PPM1A: variants seen among roughly 807,000 people sequenced by gnomAD.
The protein encoded by PPM1A is protein phosphatase 1A.
A neutral mutation model predicts 35.0 loss-of-function variants in PPM1A; 7 were observed. The ratio of observed to expected loss-of-function variants is 0.20; its 90% CI spans 0.11 to 0.38. PPM1A has a LOEUF of 0.38. PPM1A is among the 10% of genes least tolerant of loss of function. PPM1A has a pLI of 1.00. For synonymous variants in PPM1A, 153 were observed against 167.3 expected (o/e 0.91, Z 0.66); for missense variants, 239 against 467.8 (o/e 0.51, Z 4.51).
chr14:60,259,555 AGTTTTGG>A (rs1883512425), intron 1 of PPM1A, among the ~76,000 whole-genome samples: 1 of 152,100 alleles, frequency 6.6e-6, no homozygotes, highest in African/African-American at 2.4e-5. Context: ...AATCCACTTC[AGTTTTGG>A]ATAACTTGGA....
chr14:60,270,450 G>T (rs928498012), intron 1 of PPM1A, among the ~76,000 whole-genome samples: 2 of 151,904 alleles, frequency 1.3e-5, no homozygotes, highest in Non-Finnish European at 2.9e-5. Context: ...TTTTGTATGG[G>T]TTCTATAAAT....
chr14:60,258,055 G>A (rs1441148877), intron 1 of PPM1A, among the ~76,000 whole-genome samples: 2 of 152,006 alleles, frequency 1.3e-5, no homozygotes, highest in East Asian at 3.8e-4. Context: ...CTTACCCTTT[G>A]TTAGTCCATA....
chr14:60,249,154 G>A (rs1464213252), upstream of PPM1A: 5 of 877,902 alleles, frequency 5.7e-6, no homozygotes, highest in African/African-American at 1.8e-5. The surrounding 1 kb of genome is among the most constrained non-coding windows in gnomAD (Gnocchi z 4.5). Flanking sequence ...GAGCCAGCGG[G>A]GCGGGGCGAG....
intron 1 of PPM1A, chr14:60,256,686 T>C (rs1464123163): frequency 6.6e-6 from 1 of 152,098 alleles, no homozygotes. Flanking sequence ...TCTCATTAAA[T>C]CTTCATAGCA....
chr14:60,249,325 G>A lies in PPM1A; in HGVS notation c.-373G>A, dbSNP rs1882030192. On this transcript the variant is annotated 5_prime_UTR_variant, in exon 1 of 6. Transcript: ENST00000395076. The surrounding 1 kb of genome is among the most constrained non-coding windows in gnomAD (Gnocchi z 4.5). ...TCCGGCCCGCAGCTTCGGGTCCTCA[G>A]GCGGCTGTTGCTCCGGAACGGGTGG... The A allele has an allele frequency of 8.1e-6, 8 of 983,104 alleles. No homozygotes were observed. The highest frequency in any genetic ancestry group is 8.4e-6 in the Non-Finnish European group (7 of 828,960). The allele number at this position is 983,104 out of a possible 1,614,324, so 60.9% of individuals were successfully genotyped here.
rs1389874986 is a variant in PPM1A, at chr14:60,296,225, AAAT to A, written c.*3747_*3749del. Reference sequence around the variant, plus strand: ...TATTACTATGTGTTTTAATATTTTAAAATAATTTCACTGCCCATCTTTACTGGA... The same window carrying A: ...TATTACTATGTGTTTTAATATTTTAAAATTTCACTGCCCATCTTTACTGGA... On this transcript the variant is annotated 3_prime_UTR_variant, in exon 6 of 6. Coordinates refer to ENST00000395076, the MANE Select transcript of PPM1A (RefSeq NM_021003.5). This position sits in a 1 kb window ranked among gnomAD's most constrained non-coding sequence, Gnocchi z 4.4. 6.6e-6 allele frequency: 1 copy of A among 151,818 alleles called. No individual in the cohort carries two copies. The highest frequency in any genetic ancestry group is 6.6e-5 in the Admixed American group (1 of 15,222). The allele number at this position is 151,818 out of a possible 1,614,324, so 9.4% of individuals were successfully genotyped here.
intron 1 of PPM1A, among the ~76,000 whole-genome samples, chr14:60,274,342 G>T (rs1380634349): frequency 1.3e-5 from 2 of 152,120 alleles, no homozygotes. Context: ...CAGCCTTTTG[G>T]AGCATCAACA....
chr14:60,279,014 G>T (rs115163597), intron 1 of PPM1A, among the ~76,000 whole-genome samples: 172 of 152,294 alleles, frequency 1.1e-3, no homozygotes, highest in African/African-American at 4.1e-3. Flanking sequence ...ACCACAGTAA[G>T]AATTATGTGC....
At chr14:60,267,729 A>G (rs1884561701) in intron 1 of PPM1A, among the ~76,000 whole-genome samples, 1 of 152,126 alleles carries the variant, frequency 6.6e-6, no homozygotes, top group African/African-American at 2.4e-5. Flanking sequence ...CAAATTTAAA[A>G]TTTGCAAAAA....
rs1040003828 is a variant in PPM1A at position 60,293,885 on chromosome 14, G to T, written c.*1403G>T. On this transcript the variant is annotated 3_prime_UTR_variant, in exon 6 of 6. Transcript: ENST00000395076. The surrounding 1 kb of genome is among the most constrained non-coding windows in gnomAD (Gnocchi z 4.0). ...TTTAGGCTTAAATTCCTCTGATTAAGCATGTGAAAGTAAGTTTTAAAATCT... is the reference window on the plus strand; with the variant it reads ...TTTAGGCTTAAATTCCTCTGATTAATCATGTGAAAGTAAGTTTTAAAATCT... 1.3e-5 allele frequency: 2 copies of T among 151,910 alleles called. No homozygotes were observed. Among genetic ancestry groups the T allele is most frequent in the Admixed American group, 1.3e-4 (2 of 15,228 alleles). The allele number at this position is 151,910 out of a possible 1,614,324, so 9.4% of individuals were successfully genotyped here. A position where few individuals can be genotyped will look rare whatever the true frequency, so the allele number is the denominator to read the frequency against.
rs1886533183 is a variant in PPM1A, at chr14:60,282,565, T to C, written c.-20-119T>C. ...GATTCCAAGTCAGCAACACAATGAATGTCTGCTTATCGCGAGTTGTGAATT... is the reference window on the plus strand; with the variant it reads ...GATTCCAAGTCAGCAACACAATGAACGTCTGCTTATCGCGAGTTGTGAATT... On this transcript the variant is annotated intron_variant, in intron 1 of 5. Transcript: ENST00000395076. The surrounding 1 kb of genome is among the most constrained non-coding windows in gnomAD (Gnocchi z 5.1). 1.6e-6 allele frequency: 2 copies of C among 1,262,504 alleles called. No individual in the cohort carries two copies. Among genetic ancestry groups the C allele is most frequent in the East Asian group, 2.5e-5 (1 of 40,202 alleles). The allele number at this position is 1,262,504 out of a possible 1,614,324, so 78.2% of individuals were successfully genotyped here. A position where few individuals can be genotyped will look rare whatever the true frequency, so the allele number is the denominator to read the frequency against.
Position 60,297,428 on chromosome 14 carries a change from A to G in PPM1A, c.*4946A>G, listed in dbSNP as rs187150899. 1 of 151,858 alleles carries G rather than the reference A, an allele frequency of 6.6e-6. No homozygotes were observed. The highest frequency in any genetic ancestry group is 2.4e-5 in the African/African-American group (1 of 41,546). 9.4% of individuals were successfully genotyped at this position (151,858 alleles called of 1,614,324 possible). A position where few individuals can be genotyped will look rare whatever the true frequency, so the allele number is the denominator to read the frequency against. On this transcript the variant is annotated 3_prime_UTR_variant, in exon 6 of 6. Coordinates refer to ENST00000395076, the MANE Select transcript of PPM1A (RefSeq NM_021003.5). Reference sequence around the variant, plus strand: ...TTTGATTTTTCCAGCAAGGAAATTAATAAGTTACTGATTCTTCAGCATAGA... The same window carrying G: ...TTTGATTTTTCCAGCAAGGAAATTAGTAAGTTACTGATTCTTCAGCATAGA...
At position 60,291,394 on chromosome 14, in the gene PPM1A, TAGG is replaced by T; in HGVS notation, c.1064_1066del (p.Arg355del). 6.4e-7 allele frequency: 1 copy of T among 1,552,404 alleles called. No homozygotes were observed. On this transcript the variant is annotated splice_acceptor_variant and coding_sequence_variant, in exon 5 of 6. Transcript: ENST00000395076. LOFTEE classifies it high-confidence loss of function. ...TTAATTTTCTGCATTTTTTTACACT[TAGG>T]AGGAATGTTATTGAAGCCGTTTACA...
chr14:60,278,458 T>C (rs1886018261), intron 1 of PPM1A, among the ~76,000 whole-genome samples: 1 of 152,078 alleles, frequency 6.6e-6, no homozygotes, highest in South Asian at 2.1e-4. Flanking sequence ...GCAGAGATTA[T>C]GTTCCTAAAT....
intron 1 of PPM1A, among the ~76,000 whole-genome samples, chr14:60,250,768 C>T (rs1413880787): frequency 6.6e-6 from 1 of 152,110 alleles, no homozygotes; most frequent in African/African-American, 2.4e-5. Flanking sequence ...TAAACACAAC[C>T]ACTTTACATG....
Position 60,282,949 on chromosome 14 carries a change from C to G in PPM1A, c.246C>G (p.Asn82Lys), listed in dbSNP as rs1566598546. ...CEHLLDHITNNQDFKGSAGAP... is the reference protein window; with the variant it reads ...CEHLLDHITNKQDFKGSAGAP... ...ATTTGTTAGATCACATCACCAATAA[C>G]CAGGATTTTAAAGGGTCTGCAGGAG... The change falls in exon 2 of 6, where the codon AAC (asparagine) becomes AAG (lysine). Residue 82 changes from asparagine to lysine, a missense_variant. Physicochemically the swap from Asn to Lys is moderately conservative, Grantham distance 94 (BLOSUM62 0). This residue lies in a region of PPM1A where 175 missense variants were observed against 389.2 expected (regional missense o/e 0.45). Coordinates refer to ENST00000395076, the MANE Select transcript of PPM1A (RefSeq NM_021003.5). This position sits in a 1 kb window ranked among gnomAD's most constrained non-coding sequence, Gnocchi z 5.1. The G allele has an allele frequency of 6.2e-7, 1 of 1,614,102 alleles. No homozygotes were observed. The highest frequency in any genetic ancestry group is 8.5e-7 in the Non-Finnish European group (1 of 1,180,028).
rs1227828939 is a variant in PPM1A at position 60,298,481 on chromosome 14, T to C, written c.*5999T>C. The C allele has an allele frequency of 6.6e-6, 1 of 151,768 alleles. No individual in the cohort carries two copies. The highest frequency in any genetic ancestry group is 2.4e-5 in the African/African-American group (1 of 41,416). 9.4% of individuals were successfully genotyped at this position (151,768 alleles called of 1,614,324 possible). On this transcript the variant is annotated 3_prime_UTR_variant, in exon 6 of 6. Coordinates refer to ENST00000395076, the MANE Select transcript of PPM1A (RefSeq NM_021003.5). Reference sequence around the variant, plus strand: ...AGTACAATGTAACAAACGTATAGAATTTTGCATTTGTTGCCAAAATTAGAT... The same window carrying C: ...AGTACAATGTAACAAACGTATAGAACTTTGCATTTGTTGCCAAAATTAGAT...
At position 60,259,257 on chromosome 14, in the gene PPM1A, G is replaced by A. The variant is rs180724914; in HGVS notation, c.-21+9580G>A. Among the ~76,000 whole-genome samples the A allele has an allele frequency of 1.4e-3, 211 of 151,756 alleles. 1 individual carries two copies. The highest frequency in any genetic ancestry group is 6.9e-4 in the Non-Finnish European group (47 of 67,814). On this transcript the variant is annotated intron_variant, in intron 1 of 5. Coordinates refer to ENST00000395076, the MANE Select transcript of PPM1A (RefSeq NM_021003.5). ...TGCTTTTGGTCATTTTTTTCAGCAGGGACATTTCATATGTGTAAAATATTT... is the reference window on the plus strand; with the variant it reads ...TGCTTTTGGTCATTTTTTTCAGCAGAGACATTTCATATGTGTAAAATATTT...
At position 60,249,372 on chromosome 14, in the gene PPM1A, G is replaced by T; in HGVS notation, c.-326G>T. 7.2e-6 allele frequency: 5 copies of T among 695,564 alleles called. No individual in the cohort carries two copies. Among genetic ancestry groups the T allele is most frequent in the Non-Finnish European group, 8.8e-6 (5 of 566,018 alleles). 43.1% of individuals were successfully genotyped at this position (695,564 alleles called of 1,614,324 possible). A position where few individuals can be genotyped will look rare whatever the true frequency, so the allele number is the denominator to read the frequency against. The stretch of plus-strand genomic sequence containing the variant: ...GTGGTTGGGGAGGGGGGGGTGGGGG[G>T]ACTCTAGACAGCTGAGGCGCGAAAG... On this transcript the variant is annotated 5_prime_UTR_variant, in exon 1 of 6. Transcript: ENST00000395076. The surrounding 1 kb of genome is among the most constrained non-coding windows in gnomAD (Gnocchi z 4.5).
Sources: allele counts gnomAD v4.1 joint callset (sites outside exome capture counted in the v4.1 genomes callset), GRCh38; gene constraint gnomAD v4.1.1; regional missense constraint gnomAD v4.1.1; non-coding constraint Gnocchi (gnomAD v3.1); transcripts MANE v1.5; gene names NCBI Gene and HGNC (gene_info 2026-07-23, HGNC 2026-07-21).